The following PLD1 variants were observed in gnomAD, a reference collection of about 807,000 sequenced individuals.
PLD1 encodes phospholipase D1, also known as choline phosphatase 1.
A neutral mutation model predicts 137.1 loss-of-function variants in PLD1; 112 were observed. The ratio of observed to expected loss-of-function variants is 0.82; its 90% CI spans 0.70 to 0.96. The LOEUF (loss-of-function observed/expected upper bound fraction) is 0.96, where lower values mean the gene tolerates loss of function less well. Among genes scored for constraint, PLD1 ranks in the 40% least tolerant of loss-of-function variants. PLD1 has a pLI of 0.00. For missense variants in PLD1, 1,321 were observed against 1,342.0 expected (o/e 0.98, Z 0.24); for synonymous variants, 431 against 454.7 (o/e 0.95, Z 0.66).
chr3:171,764,885 A>AAG (rs777434597), intron 1 of PLD1, among the ~76,000 whole-genome samples: 271 of 24,048 alleles, frequency 0.011, 29 homozygotes, highest in Admixed American at 0.015. Context: ...GAAAGAAAGA[A>AAG]AGAAAGAAAG....
chr3:171,786,304 C>A (rs1442980339), intron 1 of PLD1, among the ~76,000 whole-genome samples: 2 of 152,156 alleles, frequency 1.3e-5, no homozygotes, highest in Non-Finnish European at 2.9e-5. Context: ...ATTCATTTAT[C>A]CCTGGCTGAA....
intron 8 of PLD1, among the ~76,000 whole-genome samples, chr3:171,716,564 C>T (rs12107844): frequency 0.27 from 41,182 of 152,050 alleles, 6,008 homozygotes; most frequent in Admixed American, 0.32. Flanking sequence ...TGTTCATGTC[C>T]TTTGCCCACT....
intron 13 of PLD1, among the ~76,000 whole-genome samples, chr3:171,690,056 T>C (rs1714996747): frequency 6.6e-6 from 1 of 152,220 alleles, no homozygotes; most frequent in Non-Finnish European, 1.5e-5. Context: ...TCAATCTCCT[T>C]ACCAGTTAAA....
chr3:171,802,577 T>TA (rs1390447655), intron 1 of PLD1, among the ~76,000 whole-genome samples: 1 of 152,176 alleles, frequency 6.6e-6, no homozygotes, highest in Non-Finnish European at 1.5e-5. Context: ...ACAACCTTCC[T>TA]AACAAACTCT....
intron 12 of PLD1, 120 bp downstream of exon 12, chr3:171,699,625 T>C: frequency 1.4e-6 from 1 of 711,230 alleles, no homozygotes; most frequent in Non-Finnish European, 2.4e-6. Context: ...TTAGTTATCC[T>C]ACTTTTTGTC....
rs949812400 is a variant in PLD1 at position 171,714,157 on chromosome 3, T to A, written c.759-112A>T. On this transcript the variant is annotated intron_variant, in intron 8 of 26. Coordinates refer to ENST00000351298, the MANE Select transcript of PLD1 (RefSeq NM_002662.5). Reference sequence around the variant, plus strand: ...CACTCTGGCAGACTGTAGACATAATTACATTTTCTACACAGGAGATTTATT... The same window carrying A: ...CACTCTGGCAGACTGTAGACATAATAACATTTTCTACACAGGAGATTTATT... 7 of 629,034 alleles carry A rather than the reference T, an allele frequency of 1.1e-5. No individual in the cohort carries two copies. In the East Asian group the frequency reaches 1.9e-4, roughly 17 times the overall value. 39.0% of individuals were successfully genotyped at this position (629,034 alleles called of 1,614,324 possible).
rs1470971074 is a variant in PLD1 at position 171,746,889 on chromosome 3, GGT to G, written c.-31-8809_-31-8808del. On this transcript the variant is annotated intron_variant, in intron 1 of 26. Transcript: ENST00000351298. ...TGGGGCCCCCTTCAATACGGTGGAA[GGT>G]TTGTTCTTTTGCTCTTTGCAATAAA... 3.3e-5 allele frequency among the ~76,000 whole-genome samples: 5 copies of G among 152,304 alleles called. 1 individual carries two copies. Among genetic ancestry groups the G allele is most frequent in the African/African-American group, 1.2e-4 (5 of 41,552 alleles).
intron 1 of PLD1, among the ~76,000 whole-genome samples, chr3:171,776,857 G>A (rs1321597923): frequency 6.6e-6 from 1 of 152,084 alleles, no homozygotes; most frequent in Non-Finnish European, 1.5e-5. Context: ...CTGAAGGCGC[G>A]TGTGATAGCA....
intron 16 of PLD1, among the ~76,000 whole-genome samples, chr3:171,679,436 A>G (rs1221245069): frequency 6.6e-6 from 1 of 152,204 alleles, no homozygotes; most frequent in Non-Finnish European, 1.5e-5. Context: ...GCTCATCTAT[A>G]GGCTCTTTAT....
intron 23 of PLD1, among the ~76,000 whole-genome samples, chr3:171,632,455 T>G (rs1254750517): frequency 6.6e-6 from 1 of 152,182 alleles, no homozygotes; most frequent in Non-Finnish European, 1.5e-5. Context: ...GATAATAGTA[T>G]TATATCAATG....
chr3:171,746,173 G>C lies in PLD1; in HGVS notation c.-31-8091C>G, dbSNP rs149877575. Among the ~76,000 whole-genome samples, 507 of 152,290 alleles carry C rather than the reference G, an allele frequency of 3.3e-3. 13 individuals carry two copies. Among genetic ancestry groups the C allele is most frequent in the Admixed American group, 0.029 (439 of 15,308 alleles). On this transcript the variant is annotated intron_variant, in intron 1 of 26. Transcript: ENST00000351298. Reference sequence around the variant, plus strand: ...CCATGCCCGAGCCCCTCCCCTCCGCGGGCTCCCGCACAGCCGGAGCCTCCA... The same window carrying C: ...CCATGCCCGAGCCCCTCCCCTCCGCCGGCTCCCGCACAGCCGGAGCCTCCA...
chr3:171,654,370 T>G, intron 21 of PLD1: 1 of 259,728 alleles, frequency 3.9e-6, no homozygotes, highest in Non-Finnish European at 7.7e-6. Flanking sequence ...TAATGTAGTT[T>G]AATAGCATAT....
chr3:171,676,149 T>C (rs139328837), intron 18 of PLD1, among the ~76,000 whole-genome samples: 37 of 152,226 alleles, frequency 2.4e-4, no homozygotes, highest in South Asian at 6.2e-4. Context: ...GCCTGAATGA[T>C]ACGTACTTAA....
chr3:171,685,105 T>G (rs893509764), intron 16 of PLD1, among the ~76,000 whole-genome samples: 2 of 152,216 alleles, frequency 1.3e-5, no homozygotes, highest in Admixed American at 6.5e-5. Flanking sequence ...CAAACTTTCT[T>G]AAACATTGTA....
intron 19 of PLD1, among the ~76,000 whole-genome samples, chr3:171,670,791 G>A (rs965523013): frequency 1.3e-5 from 2 of 152,094 alleles, no homozygotes; most frequent in Non-Finnish European, 2.9e-5. Context: ...AATGATCAAG[G>A]TAAAAATTCT....
At chr3:171,762,518 G>A (rs1479247339) in intron 1 of PLD1, among the ~76,000 whole-genome samples, 1 of 152,208 alleles carries the variant, frequency 6.6e-6, no homozygotes. Flanking sequence ...TCTCAAGAGT[G>A]TGAACAGAAG....
At chr3:171,643,977 C>T (rs938541591) in intron 22 of PLD1, among the ~76,000 whole-genome samples, 3 of 152,104 alleles carry the variant, frequency 2.0e-5, no homozygotes, top group African/African-American at 4.8e-5. Flanking sequence ...ATGGTGCACT[C>T]GAACTGTGCA....
chr3:171,668,281 G>T (rs915496367), intron 19 of PLD1, among the ~76,000 whole-genome samples: 1 of 152,190 alleles, frequency 6.6e-6, no homozygotes, highest in Non-Finnish European at 1.5e-5. Flanking sequence ...GCCCATACAT[G>T]GAAAACAACT....
At chr3:171,615,854 GT>G (rs1469589783) in intron 24 of PLD1, among the ~76,000 whole-genome samples, 1 of 152,202 alleles carries the variant, frequency 6.6e-6, no homozygotes, top group Non-Finnish European at 1.5e-5. Flanking sequence ...GTATAGACAT[GT>G]GTGAGTTTCT....
Sources: gnomAD v4.1 joint callset for allele counts (sites outside exome capture counted in the v4.1 genomes callset) on GRCh38, gnomAD v4.1.1 for gene constraint, MANE v1.5 for transcripts, NCBI Gene and HGNC (gene_info 2026-07-23, HGNC 2026-07-21) for gene names.